The following MACF1 variants were observed in gnomAD, a reference collection of about 807,000 sequenced individuals.
The protein encoded by MACF1 is microtubule-actin cross-linking factor 1.
In MACF1, 193 loss-of-function variants were observed where a neutral mutation model predicts 854.8. The observed-to-expected ratio is 0.23, with a 90% confidence interval of 0.20 to 0.25. The LOEUF (loss-of-function observed/expected upper bound fraction) is 0.25, where lower values mean the gene tolerates loss of function less well. MACF1 is among the 10% of genes least tolerant of loss of function. The probability of loss-of-function intolerance (pLI) is 1.00; values close to 1 mark genes in which losing one functional copy is unlikely to be tolerated. For synonymous variants in MACF1, 3,185 were observed against 3,226.7 expected (o/e 0.99, Z 0.44); for missense variants, 7,722 against 8,929.1 (o/e 0.86, Z 5.45).
chr1:39,431,021 T>C, intron 66 of MACF1, 113 bp downstream of exon 66: 1 of 951,910 alleles, frequency 1.1e-6, no homozygotes, highest in South Asian at 1.5e-5. Flanking sequence ...TCAAGCTAAA[T>C]CTGGTGGAAT....
At chr1:39,131,421 ACCTAAGCCTCCCAAAGTGTTGGAT>A (rs1381400538) in intron 2 of MACF1, among the ~76,000 whole-genome samples, 1 of 148,606 alleles carries the variant, frequency 6.7e-6, no homozygotes, top group African/African-American at 2.5e-5. Flanking sequence ...CTATCCTCCC[ACCTAAGCCTCCCAAAGTGTTGGAT>A]TATAGGTGTG....
chr1:39,295,766 C>T (rs764082590), intron 19 of MACF1, 21 bp from the exon 20 acceptor site: 7 of 1,582,492 alleles, frequency 4.4e-6, no homozygotes, highest in East Asian at 2.2e-5. Flanking sequence ...GCCCTTCTGT[C>T]TGTGTGCTTG....
intron 2 of MACF1, among the ~76,000 whole-genome samples, chr1:39,106,791 CT>C (rs148417274): frequency 0.073 from 10,149 of 139,228 alleles, 384 homozygotes; most frequent in Non-Finnish European, 0.086. Context: ...AACGCCCCCC[CT>C]CTCCCCCCTC....
In MACF1 at chr1:39,334,890, G is replaced by C. The variant is rs376361649; in HGVS notation, c.8302G>C (p.Asp2768His). The C allele has an allele frequency of 5.0e-6, 8 of 1,614,050 alleles. No individual in the cohort carries two copies. In the East Asian group the frequency reaches 6.7e-5, roughly 13 times the overall value. ...CCAAATAGATAGTTCAGAGTTCAGC[G>C]ATCACAGGGCTCAGATTGAAAAGCA... ...MIQIDSSEFS[D>H]HRAQIEKQEG... is the part of the protein sequence containing the mutation. Residue 2768 changes from aspartate to histidine, a missense_variant, in exon 37 of 101, where the codon GAT becomes CAT. Physicochemically the swap from Asp to His is moderately conservative, Grantham distance 81 (BLOSUM62 -1). Coordinates refer to ENST00000564288, the MANE Select transcript of MACF1 (RefSeq NM_001394062.1).
At chr1:39,396,540 G>A (rs1642282360) in intron 58 of MACF1, among the ~76,000 whole-genome samples, 1 of 152,160 alleles carries the variant, frequency 6.6e-6, no homozygotes, top group Admixed American at 6.6e-5. Context: ...TAGTTGATTA[G>A]TAAACATGGT....
intron 58 of MACF1, among the ~76,000 whole-genome samples, chr1:39,396,231 A>G (rs551024281): frequency 7.1e-4 from 108 of 151,926 alleles, no homozygotes; most frequent in Admixed American, 2.0e-3. Flanking sequence ...GAGGCAGGAG[A>G]ATCGCTTGAA....
Position 39,293,516 on chromosome 1 carries a change from C to T in MACF1, c.2051C>T (p.Ala684Val). ...LQSLHKFVSR[A>V]TAELIWLNEK... ...AGCCTGCATAAATTTGTTTCCAGAG[C>T]TACAGCTGAGTTGATCTGGTTGAAT... Residue 684 changes from alanine to valine, a missense_variant, in exon 18 of 101, where the codon GCT (alanine) becomes GTT (valine). Physicochemically the swap from Ala to Val is moderately conservative, Grantham distance 64. Transcript: ENST00000564288. 1 of 1,614,008 alleles carries T rather than the reference C, an allele frequency of 6.2e-7. No homozygotes were observed. The highest frequency in any genetic ancestry group is 8.5e-7 in the Non-Finnish European group (1 of 1,179,912).
chr1:39,448,812 A>G, intron 84 of MACF1, 49 bp downstream of exon 84: 9 of 1,450,774 alleles, frequency 6.2e-6, no homozygotes, highest in Non-Finnish European at 8.3e-6. Context: ...CCCAAAAGCA[A>G]GAGGTTCTTA....
chr1:39,480,543 T>C (rs1644994283), intron 98 of MACF1, among the ~76,000 whole-genome samples: 1 of 152,144 alleles, frequency 6.6e-6, no homozygotes, highest in Non-Finnish European at 1.5e-5. Flanking sequence ...GCAAGAGGAT[T>C]GCTTGAGCCC....
At chr1:39,086,013 A>C (rs1641666361) in intron 2 of MACF1, among the ~76,000 whole-genome samples, 1 of 152,108 alleles carries the variant, frequency 6.6e-6, no homozygotes, top group Admixed American at 6.5e-5. Flanking sequence ...TCACAGTCAT[A>C]CTTTTCTCTC....
intron 58 of MACF1, among the ~76,000 whole-genome samples, chr1:39,398,230 C>T (rs1642348895): frequency 6.6e-6 from 1 of 151,910 alleles, no homozygotes; most frequent in Non-Finnish European, 1.5e-5. Flanking sequence ...CCTCGACCTC[C>T]CAGTCTCAAG....
At chr1:39,186,410 G>A (rs56333320) in intron 2 of MACF1, among the ~76,000 whole-genome samples, 1,687 of 151,644 alleles carry the variant, frequency 0.011, 20 homozygotes, top group Non-Finnish European at 0.018. Flanking sequence ...GGGATTACAG[G>A]CACGCGCCAC....
chr1:39,243,233 C>G (rs1261747424), intron 2 of MACF1, among the ~76,000 whole-genome samples: 2 of 152,190 alleles, frequency 1.3e-5, no homozygotes, highest in Non-Finnish European at 2.9e-5. Flanking sequence ...TATATCTTCT[C>G]TGGACACATT....
rs11206136 is a variant in MACF1, at chr1:39,459,028, C to A, written c.21197-58C>A. On this transcript the variant is annotated intron_variant, in intron 90 of 100. Coordinates refer to ENST00000564288, the MANE Select transcript of MACF1 (RefSeq NM_001394062.1). ...AGATCTTCTAGGTTTATACATACAG[C>A]TATTTCTCTTTGTATACTAACCAGC... is the stretch of plus-strand genomic sequence containing the variant. 5.7e-4 allele frequency: 801 copies of A among 1,403,384 alleles called. 3 individuals are homozygous for A. The African/African-American group carries it at 0.01, about 18-fold the overall frequency. The allele number at this position is 1,403,384 out of a possible 1,614,324, so 86.9% of individuals were successfully genotyped here. A position where few individuals can be genotyped will look rare whatever the true frequency, so the allele number is the denominator to read the frequency against.
At chr1:39,191,352 TCA>T (rs1245962447) in intron 2 of MACF1, among the ~76,000 whole-genome samples, 2 of 152,222 alleles carry the variant, frequency 1.3e-5, no homozygotes, top group African/African-American at 4.8e-5. Context: ...TCCACTTCTC[TCA>T]CTTACCTAGC....
chr1:39,159,112 T>C (rs1643747664), intron 2 of MACF1, among the ~76,000 whole-genome samples: 1 of 152,210 alleles, frequency 6.6e-6, no homozygotes, highest in African/African-American at 2.4e-5. Flanking sequence ...TGTAAAACCC[T>C]CCTGCTCTGA....
At chr1:39,325,876 C>T (rs542935471) in intron 35 of MACF1, among the ~76,000 whole-genome samples, 4 of 152,086 alleles carry the variant, frequency 2.6e-5, no homozygotes, top group Non-Finnish European at 5.9e-5. Context: ...TGGGAATTTA[C>T]AAGAGGATTG....
At chr1:39,185,164 T>A (rs866376803) in intron 2 of MACF1, among the ~76,000 whole-genome samples, 69 of 151,754 alleles carry the variant, frequency 4.5e-4, no homozygotes, top group African/African-American at 1.4e-3. Flanking sequence ...TGGTGGCGGG[T>A]GCCTGTAGTC....
intron 1 of MACF1, among the ~76,000 whole-genome samples, chr1:39,225,991 T>C (rs775114289): frequency 1.4e-4 from 22 of 152,234 alleles, no homozygotes; most frequent in Admixed American, 3.9e-4. Context: ...TGTAATATTC[T>C]TTTATCCTGA....
Sources: gnomAD v4.1 joint callset for allele counts (sites outside exome capture counted in the v4.1 genomes callset) on GRCh38, gnomAD v4.1.1 for gene constraint, MANE v1.5 for transcripts, NCBI Gene and HGNC (gene_info 2026-07-23, HGNC 2026-07-21) for gene names.